Variants in TSPAN9 observed in about 807,000 individuals in gnomAD.
The protein encoded by TSPAN9 is tetraspanin 9, also known as tetraspanin-9.
A neutral mutation model predicts 31.0 loss-of-function variants in TSPAN9; 16 were observed. The observed-to-expected ratio is 0.52, with a 90% CI of 0.35 to 0.78. The LOEUF is 0.78. TSPAN9 is among the 30% of genes least tolerant of loss of function. The pLI, the probability that TSPAN9 is intolerant of heterozygous loss-of-function variation, is 0.01. For missense variants in TSPAN9, 272 were observed against 312.5 expected (o/e 0.87, Z 0.98); for synonymous variants, 145 against 121.6 (o/e 1.19, Z -1.27).
At chr12:3,214,793 G>T (rs76395357) in intron 3 of TSPAN9, among the ~76,000 whole-genome samples, 1,831 of 152,084 alleles carry the variant, frequency 0.012, 35 homozygotes, top group African/African-American at 0.041. Context: ...CAGAACTGTC[G>T]CGGCTCCTTC....
At chr12:3,204,042 G>A (rs981492447) in intron 3 of TSPAN9, among the ~76,000 whole-genome samples, 1 of 152,194 alleles carries the variant, frequency 6.6e-6, no homozygotes, top group African/African-American at 2.4e-5. Flanking sequence ...AGGGGGGCAG[G>A]GGGAGCATGC....
At chr12:3,094,274 A>G (rs1464133879) in intron 2 of TSPAN9, among the ~76,000 whole-genome samples, 2 of 152,126 alleles carry the variant, frequency 1.3e-5, no homozygotes, top group East Asian at 3.9e-4. Flanking sequence ...AGGTAGGGTC[A>G]AGCCACCCCT....
chr12:3,139,466 G>A (rs548128425), intron 2 of TSPAN9, among the ~76,000 whole-genome samples: 3 of 152,326 alleles, frequency 2.0e-5, no homozygotes, highest in South Asian at 4.1e-4. Context: ...GGTGGGATTC[G>A]CTTCAGGCTG....
At chr12:3,276,333 A>C (rs1203529957) in intron 3 of TSPAN9, among the ~76,000 whole-genome samples, 1 of 152,206 alleles carries the variant, frequency 6.6e-6, no homozygotes, top group Non-Finnish European at 1.5e-5. Flanking sequence ...CGTCACACTG[A>C]GGACACTTGC....
intron 2 of TSPAN9, among the ~76,000 whole-genome samples, chr12:3,097,375 C>T (rs892647019): frequency 1.3e-5 from 2 of 152,202 alleles, no homozygotes; most frequent in African/African-American, 2.4e-5. Flanking sequence ...GTGGGCTGAG[C>T]TCAGATCTCT....
At chr12:3,174,758 AT>A (rs1333933706) in intron 2 of TSPAN9, among the ~76,000 whole-genome samples, 1 of 124,002 alleles carries the variant, frequency 8.1e-6, no homozygotes, top group African/African-American at 2.5e-5. Context: ...AATTTTTTGT[AT>A]TTTTAGTAGA....
intron 3 of TSPAN9, among the ~76,000 whole-genome samples, chr12:3,262,756 C>T (rs966288706): frequency 2.6e-5 from 4 of 152,056 alleles, no homozygotes; most frequent in Admixed American, 1.3e-4. Flanking sequence ...TGGACTCAGA[C>T]GTAATTGATT....
At chr12:3,281,094 G>T in intron 6 of TSPAN9, 104 bp from the exon 7 acceptor site, 1 of 1,512,856 alleles carries the variant, frequency 6.6e-7, no homozygotes, top group Non-Finnish European at 8.8e-7. Flanking sequence ...CTGCAGGGTG[G>T]CCACTTTTGC....
chr12:3,142,177 T>G (rs1004034994), intron 2 of TSPAN9, among the ~76,000 whole-genome samples: 6 of 152,130 alleles, frequency 3.9e-5, no homozygotes, highest in Non-Finnish European at 5.9e-5. Flanking sequence ...GCTGCTGGGG[T>G]GACGCTGCTG....
intron 3 of TSPAN9, among the ~76,000 whole-genome samples, chr12:3,242,206 G>A (rs2153977237): frequency 6.6e-6 from 1 of 152,354 alleles, no homozygotes; most frequent in East Asian, 1.9e-4. Flanking sequence ...GCATCTAGAA[G>A]CTGCTCTTTC....
intron 3 of TSPAN9, among the ~76,000 whole-genome samples, chr12:3,256,564 A>G (rs1862349973): frequency 6.6e-6 from 1 of 152,178 alleles, no homozygotes; most frequent in African/African-American, 2.4e-5. Flanking sequence ...CGGCCCGGCT[A>G]GGGCTGGGAG....
rs2098335945 is a variant in TSPAN9 at position 3,143,850 on chromosome 12, C to A, written c.-17-57327C>A. Among the ~76,000 whole-genome samples, 1 of 152,174 alleles carries A rather than the reference C, an allele frequency of 6.6e-6. No individual in the cohort carries two copies. Among genetic ancestry groups the A allele is most frequent in the Non-Finnish European group, 1.5e-5 (1 of 68,032 alleles). The stretch of plus-strand genomic sequence containing the variant: ...TGTTTCTCCTGCCCCAGGCCTGAAT[C>A]AATCACTTCTCTAAGGAGCTCTGCT... On this transcript the variant is annotated intron_variant, in intron 2 of 8. Transcript: ENST00000011898. The surrounding 1 kb of genome is among the most constrained non-coding windows in gnomAD (Gnocchi z 4.2).
chr12:3,083,700 A>C lies in TSPAN9; in HGVS notation c.-37A>C. ...GTTTGTCAGCAGCCAAGGTGTTTCC[A>C]GGAAGTTCAGAGAGAACAGGTCAGT... On this transcript the variant is annotated 5_prime_UTR_variant, in exon 2 of 9. Coordinates refer to ENST00000011898, the MANE Select transcript of TSPAN9 (RefSeq NM_006675.5). 6.6e-6 allele frequency: 1 copy of C among 152,222 alleles called. No homozygotes were observed. The highest frequency in any genetic ancestry group is 1.5e-5 in the Non-Finnish European group (1 of 68,050). The allele number at this position is 152,222 out of a possible 1,614,324, so 9.4% of individuals were successfully genotyped here. A position where few individuals can be genotyped will look rare whatever the true frequency, so the allele number is the denominator to read the frequency against.
At chr12:3,098,834 G>A (rs1307167399) in intron 2 of TSPAN9, among the ~76,000 whole-genome samples, 2 of 148,976 alleles carry the variant, frequency 1.3e-5, no homozygotes, top group Non-Finnish European at 1.5e-5. Flanking sequence ...CTCTGCAACC[G>A]CAGCCTCCTG....
In TSPAN9 at chr12:3,172,509, C is replaced by G. The variant is rs1029026176; in HGVS notation, c.-17-28668C>G. 3 of 152,206 alleles carry G rather than the reference C, an allele frequency of 2.0e-5. No individual in the cohort carries two copies. Among genetic ancestry groups the G allele is most frequent in the Non-Finnish European group, 4.4e-5 (3 of 68,062 alleles). 9.4% of individuals were successfully genotyped at this position (152,206 alleles called of 1,614,324 possible). On this transcript the variant is annotated intron_variant, in intron 2 of 8. Transcript: ENST00000011898. This position sits in a 1 kb window ranked among gnomAD's most constrained non-coding sequence, Gnocchi z 4.8. The stretch of plus-strand genomic sequence containing the variant: ...TCACTCACCGGGGGAACTTAAACGC[C>G]GCTTGCTGAGTCCCACCCTAGCGCA...
At chr12:3,282,272 A>AGG (rs906648071) in intron 8 of TSPAN9, among the ~76,000 whole-genome samples, 3 of 152,214 alleles carry the variant, frequency 2.0e-5, no homozygotes, top group African/African-American at 7.2e-5. Context: ...TCAGGAGGGA[A>AGG]GGGGCACAAA....
At chr12:3,228,858 C>T (rs527385332) in intron 3 of TSPAN9, among the ~76,000 whole-genome samples, 11 of 152,352 alleles carry the variant, frequency 7.2e-5, no homozygotes, top group Admixed American at 2.6e-4. Context: ...ATGCTCCCTT[C>T]GAAGGCTCTA....
intron 3 of TSPAN9, among the ~76,000 whole-genome samples, chr12:3,249,527 C>T (rs1473226704): frequency 2.6e-5 from 4 of 152,238 alleles, no homozygotes; most frequent in Admixed American, 6.5e-5. Context: ...TACAATCCTT[C>T]GTGCTTTTCA....
intron 1 of TSPAN9, among the ~76,000 whole-genome samples, chr12:3,080,595 A>G (rs1304554651): frequency 3.3e-5 from 5 of 152,180 alleles, no homozygotes; most frequent in East Asian, 1.9e-4. Flanking sequence ...CTCGGCCCCA[A>G]AAAGTGCTGG....
Sources: gnomAD v4.1 joint callset for allele counts (sites outside exome capture counted in the v4.1 genomes callset) on GRCh38, gnomAD v4.1.1 for gene constraint, Gnocchi (gnomAD v3.1) non-coding constraint, MANE v1.5 for transcripts, NCBI Gene and HGNC (gene_info 2026-07-23, HGNC 2026-07-21) for gene names.